The following HTT variants were observed in gnomAD, a reference collection of about 807,000 sequenced individuals.
The protein encoded by HTT is huntington disease protein.
HTT carries 104 observed loss-of-function variants against 362.3 expected under a neutral mutation model. The observed-to-expected ratio is 0.29, with a 90% CI of 0.24 to 0.34. HTT has a LOEUF of 0.34. HTT is among the 10% of genes least tolerant of loss of function. HTT has a pLI of 1.00. For missense variants in HTT, 3,301 were observed against 3,928.6 expected (o/e 0.84, Z 4.27); for synonymous variants, 1,577 against 1,548.7 (o/e 1.02, Z -0.43).
At chr4:3,117,199 T>G (rs1715072585) in intron 8 of HTT, among the ~76,000 whole-genome samples, 1 of 152,204 alleles carries the variant, frequency 6.6e-6, no homozygotes, top group African/African-American at 2.4e-5. Context: ...TTGGTTATTT[T>G]TCAGAATAAA....
At chr4:3,165,393 G>A (rs1284610895) in intron 29 of HTT, among the ~76,000 whole-genome samples, 1 of 151,878 alleles carries the variant, frequency 6.6e-6, no homozygotes, top group Non-Finnish European at 1.5e-5. Context: ...TGTGTCTTGG[G>A]GTTGCTCTTC....
chr4:3,174,841 G>A (rs1396747155), intron 32 of HTT, 42 bp downstream of exon 32: 4 of 1,590,380 alleles, frequency 2.5e-6, no homozygotes, highest in East Asian at 4.5e-5. Context: ...AGGCGTGTCA[G>A]TGCTAGAGAG....
At chr4:3,237,941 T>A (rs1721618216) in intron 64 of HTT, among the ~76,000 whole-genome samples, 1 of 152,176 alleles carries the variant, frequency 6.6e-6, no homozygotes, top group African/African-American at 2.4e-5. Context: ...TTAGAACACA[T>A]AGGGATGTTT....
At chr4:3,088,518 G>A (rs1054676524) in intron 2 of HTT, among the ~76,000 whole-genome samples, 3 of 152,150 alleles carry the variant, frequency 2.0e-5, no homozygotes, top group Non-Finnish European at 2.9e-5. Context: ...AAAATTGACT[G>A]TCTTAACCAT....
intron 2 of HTT, among the ~76,000 whole-genome samples, chr4:3,092,765 T>C (rs1713582700): frequency 6.6e-6 from 1 of 152,254 alleles, no homozygotes; most frequent in South Asian, 2.1e-4. Context: ...GATTTTTGCT[T>C]CTGGCTAAGA....
At chr4:3,088,265 C>A (rs1354616494) in intron 2 of HTT, among the ~76,000 whole-genome samples, 2 of 151,044 alleles carry the variant, frequency 1.3e-5, no homozygotes, top group Non-Finnish European at 2.9e-5. Context: ...TGGCTTACTG[C>A]AAGCTCTGCC....
intron 2 of HTT, among the ~76,000 whole-genome samples, chr4:3,090,225 T>C (rs939182012): frequency 6.6e-6 from 1 of 152,242 alleles, no homozygotes; most frequent in Admixed American, 6.5e-5. Flanking sequence ...TTCATGTATA[T>C]TGTGAAAATG....
intron 24 of HTT, among the ~76,000 whole-genome samples, chr4:3,146,425 G>C (rs549708427): frequency 1.7e-4 from 26 of 152,314 alleles, no homozygotes; most frequent in African/African-American, 5.8e-4. Flanking sequence ...GTAATAAAGA[G>C]TTCACCCCAG....
At chr4:3,216,553 G>A (rs1029416714) in intron 51 of HTT, among the ~76,000 whole-genome samples, 1 of 152,234 alleles carries the variant, frequency 6.6e-6, no homozygotes, top group African/African-American at 2.4e-5. Flanking sequence ...GATTTCCATT[G>A]CTTTAAAACA....
chr4:3,087,033 T>G lies in HTT; in HGVS notation c.347+11T>G. 2 of 1,482,628 alleles carry G rather than the reference T, an allele frequency of 1.3e-6. No homozygotes were observed. Among genetic ancestry groups the G allele is most frequent in the East Asian group, 2.3e-5 (1 of 44,166 alleles). 91.8% of individuals were successfully genotyped at this position (1,482,628 alleles called of 1,614,324 possible). ...GGCACAGTCTGTCAGGTAATTGCAC[T>G]TTGAACTGTCTAGAGAAAATAAGAA... is the stretch of plus-strand genomic sequence containing the variant. On this transcript the variant is annotated intron_variant, in intron 2 of 66. Transcript: ENST00000355072.
chr4:3,222,198 C>T (rs529246931), intron 53 of HTT, among the ~76,000 whole-genome samples, 189 bp from the exon 54 acceptor site: 11 of 152,336 alleles, frequency 7.2e-5, no homozygotes, highest in African/African-American at 2.4e-4. Flanking sequence ...GTCTATACTT[C>T]GGTTTCCTCA....
In HTT at chr4:3,148,159, C is replaced by T; in HGVS notation, c.3450C>T (p.Asn1150=). 1 of 1,610,776 alleles carries T rather than the reference C, an allele frequency of 6.2e-7. No individual in the cohort carries two copies. ...QLFSHLLKVI[N]ICAHVLDDVA... ...TCTCTCACCTGCTGAAGGTGATTAA[C>T]ATTTGTGCCCACGTCCTGGATGACG... The change falls in exon 26 of 67, where the codon AAC becomes AAT. Residue 1150 remains asparagine, a synonymous_variant. Coordinates refer to ENST00000355072, the MANE Select transcript of HTT (RefSeq NM_001388492.1).
intron 35 of HTT, among the ~76,000 whole-genome samples, 167 bp from the exon 36 acceptor site, chr4:3,180,348 C>G (rs1487000575): frequency 6.6e-6 from 1 of 152,050 alleles, no homozygotes; most frequent in African/African-American, 2.4e-5. Context: ...GAGCTTTGAC[C>G]TTCCACATGG....
intron 26 of HTT, among the ~76,000 whole-genome samples, chr4:3,148,555 T>C (rs1241587045): frequency 6.6e-6 from 1 of 152,114 alleles, no homozygotes; most frequent in African/African-American, 2.4e-5. Flanking sequence ...CCCAGCACTT[T>C]GGGAGGCCGA....
At chr4:3,217,990 T>G in intron 52 of HTT, 38 bp downstream of exon 52, 1 of 1,550,058 alleles carries the variant, frequency 6.5e-7, no homozygotes. Flanking sequence ...CCAAGTACGG[T>G]GAAAGGCACC....
intron 37 of HTT, among the ~76,000 whole-genome samples, chr4:3,185,266 G>T (rs10488840): frequency 6.6e-6 from 1 of 152,104 alleles, no homozygotes; most frequent in Non-Finnish European, 1.5e-5. Context: ...ACAAATCGCC[G>T]TTGTGGTGTT....
Position 3,099,333 on chromosome 4 carries a change from G to C in HTT, c.407G>C (p.Ser136Thr), listed in dbSNP as rs1714028682. 6.2e-7 allele frequency: 1 copy of C among 1,613,866 alleles called. No individual in the cohort carries two copies. The highest frequency in any genetic ancestry group is 1.7e-5 in the Admixed American group (1 of 60,008). The change falls in exon 3 of 67, where the codon AGT becomes ACT. Residue 136 changes from serine (S) to threonine (T), a missense_variant. Coordinates refer to ENST00000355072, the MANE Select transcript of HTT (RefSeq NM_001388492.1). ...GIAMELFLLCSDDAESDVRMV... is the reference protein window; with the variant it reads ...GIAMELFLLCTDDAESDVRMV... ...GCTATGGAACTTTTTCTGCTGTGCA[G>C]TGATGACGCAGAGTCAGATGTCAGG...
In HTT at chr4:3,222,442, G is replaced by A. The variant is rs1481605843; in HGVS notation, c.7425G>A (p.Leu2475=). 1 of 1,614,190 alleles carries A rather than the reference G, an allele frequency of 6.2e-7. No homozygotes were observed. Among genetic ancestry groups the A allele is most frequent in the Non-Finnish European group, 8.5e-7 (1 of 1,180,034 alleles). The part of the protein sequence containing the change: ...EETWATLLGV[L]VTQPLVMEQE... ...CTTGGGCCACCCTCCTTGGTGTCCT[G>A]GTGACGCAGCCCCTCGTGATGGAGC... is the stretch of plus-strand genomic sequence containing the variant. The change falls in exon 54 of 67, where the codon CTG becomes CTA. Residue 2475 remains leucine, a synonymous_variant. Coordinates refer to ENST00000355072, the MANE Select transcript of HTT (RefSeq NM_001388492.1).
intron 40 of HTT, among the ~76,000 whole-genome samples, chr4:3,193,213 A>T (rs542513506): frequency 1.1e-4 from 16 of 152,374 alleles, no homozygotes; most frequent in African/African-American, 3.6e-4. Flanking sequence ...CCCTCCGCAC[A>T]GGCCATGGCC....
Sources: gnomAD v4.1 joint callset for allele counts (sites outside exome capture counted in the v4.1 genomes callset) on GRCh38, gnomAD v4.1.1 for gene constraint, MANE v1.5 for transcripts, NCBI Gene and HGNC (gene_info 2026-07-23, HGNC 2026-07-21) for gene names.